TOB1: variants seen among roughly 807,000 people sequenced by gnomAD.
TOB1 encodes the protein transducer of ERBB2, 1, also known as protein Tob1.
A neutral mutation model predicts 22.9 loss-of-function variants in TOB1; 2 were observed. The observed-to-expected ratio is 0.09, with a 90% confidence interval of 0.04 to 0.28. TOB1 has a LOEUF of 0.28. Ranked by LOEUF, TOB1 falls within the 10% of genes least tolerant of loss-of-function variation. The probability of loss-of-function intolerance (pLI) is 1.00; values close to 1 mark genes in which losing one functional copy is unlikely to be tolerated. For missense variants in TOB1, 299 were observed against 420.5 expected, an observed-to-expected ratio of 0.71 and a Z score of 2.53; for synonymous variants, 154 against 150.6, an observed-to-expected ratio of 1.02 and a Z score of -0.17.
At chr17:50,866,384 A>G (rs1202658280), upstream of TOB1, 1 of 151,612 alleles carries the variant, frequency 6.6e-6, no homozygotes, top group Non-Finnish European at 1.5e-5. Flanking sequence ...CTCTCGTTTT[A>G]TGGCCTCCTC....
Position 50,863,835 on chromosome 17 carries a change from C to T in TOB1, c.183G>A (p.Gly61=), listed in dbSNP as rs1472216251. The T allele has an allele frequency of 1.2e-6, 2 of 1,613,914 alleles. No homozygotes were observed. Among genetic ancestry groups the T allele is most frequent in the East Asian group, 2.2e-5 (1 of 44,884 alleles). Residue 61 remains glycine, a synonymous_variant, in exon 2 of 2, where the codon GGG becomes GGA. Coordinates refer to ENST00000499247, the MANE Select transcript of TOB1 (RefSeq NM_005749.4). ...KGSGFRCIHI[G]EKVDPVIEQA... is the part of the protein sequence containing the mutation. ...GTTCAATCACTGGGTCCACTTTCTC[C>T]CCTATGTGTATACATCTAAACCCCG...
chr17:50,867,923 G>A (rs934956516), upstream of TOB1: 5 of 152,214 alleles, frequency 3.3e-5, no homozygotes, highest in African/African-American at 1.2e-4. Flanking sequence ...AATCTGGTTG[G>A]AGCCGCCTTC....
rs1972226269 is a variant in TOB1, at chr17:50,862,302, A to T, written c.*678T>A. 1 of 152,660 alleles carries T rather than the reference A, an allele frequency of 6.6e-6. No homozygotes were observed. 9.5% of individuals were successfully genotyped at this position (152,660 alleles called of 1,614,324 possible). Reference sequence around the variant, plus strand: ...CTTAACATGTAAGACACTGACTCAAAATACTTTTATACCGTTTTTTTCAAG... The same window carrying T: ...CTTAACATGTAAGACACTGACTCAATATACTTTTATACCGTTTTTTTCAAG... On this transcript the variant is annotated 3_prime_UTR_variant, in exon 2 of 2. Coordinates refer to ENST00000499247, the MANE Select transcript of TOB1 (RefSeq NM_005749.4).
In TOB1 at chr17:50,863,545, C is replaced by G. The variant is rs528956204; in HGVS notation, c.473G>C (p.Gly158Ala). Residue 158 changes from glycine to alanine, a missense_variant, in exon 2 of 2, where the codon GGT becomes GCT. Physicochemically the swap from Gly to Ala is moderately conservative, Grantham distance 60. Coordinates refer to ENST00000499247, the MANE Select transcript of TOB1 (RefSeq NM_005749.4). ...SVSSSPSPPF[G>A]HSAAVSPTFM... ...GGTAGGGCTTACAGCAGCAGAGTGA[C>G]CAAAAGGAGGCGATGGAGAGCTGGA... 1 of 1,613,940 alleles carries G rather than the reference C, an allele frequency of 6.2e-7. No homozygotes were observed. The highest frequency in any genetic ancestry group is 8.5e-7 in the Non-Finnish European group (1 of 1,180,032).
chr17:50,865,544 C>T (rs1972285123), intron 1 of TOB1, among the ~76,000 whole-genome samples: 1 of 152,110 alleles, frequency 6.6e-6, no homozygotes, highest in Admixed American at 6.5e-5. Flanking sequence ...AGGAGGAAGG[C>T]CCGGGAAATG....
chr17:50,863,914 A>C lies in TOB1; in HGVS notation c.104T>G (p.Leu35Arg). 6.2e-7 allele frequency: 1 copy of C among 1,614,170 alleles called. No homozygotes were observed. The highest frequency in any genetic ancestry group is 8.5e-7 in the Non-Finnish European group (1 of 1,180,040). The change falls in exon 2 of 2, where the codon CTT (leucine) becomes CGT (arginine). Residue 35 changes from leucine to arginine, a missense_variant. Leu to Arg is a moderately radical substitution (Grantham distance 102). Transcript: ENST00000499247. ...GTGCCCTTCATATTTCTTCTTAAGAAGTCTTTCAAGTTCTTCACCAAAAAT... is the reference window on the plus strand; with the variant it reads ...GTGCCCTTCATATTTCTTCTTAAGACGTCTTTCAAGTTCTTCACCAAAAAT... The part of the protein sequence containing the change: ...VNIFGEELER[L>R]LKKKYEGHWY...
chr17:50,864,320 G>A (rs1972264949), intron 1 of TOB1, among the ~76,000 whole-genome samples, 157 bp from the exon 2 acceptor site: 1 of 152,132 alleles, frequency 6.6e-6, no homozygotes, highest in Non-Finnish European at 1.5e-5. Context: ...AGGACAGAAA[G>A]CCTGAAAACT....
At chr17:50,864,297 G>C (rs773983055) in intron 1 of TOB1, 134 bp from the exon 2 acceptor site, 4 of 342,456 alleles carry the variant, frequency 1.2e-5, no homozygotes, top group Non-Finnish European at 1.9e-5. Flanking sequence ...AAAAGAAAAA[G>C]AAAATGTCTA....
Position 50,864,078 on chromosome 17 carries a change from A to AAAG in TOB1, c.-62_-61insCTT. 7.0e-7 allele frequency: 1 copy of AAAG among 1,438,658 alleles called. No homozygotes were observed. The highest frequency in any genetic ancestry group is 9.1e-7 in the Non-Finnish European group (1 of 1,103,032). The allele number at this position is 1,438,658 out of a possible 1,614,324, so 89.1% of individuals were successfully genotyped here. ...CACCAAAAAAAAAAAAAAAAAAAAA[A>AAAG]GATGTTCAGTTTGTGGCAGAGAAAC... is the stretch of plus-strand genomic sequence containing the variant. On this transcript the variant is annotated 5_prime_UTR_variant, in exon 2 of 2. Coordinates refer to ENST00000499247, the MANE Select transcript of TOB1 (RefSeq NM_005749.4).
intron 1 of TOB1, among the ~76,000 whole-genome samples, 190 bp downstream of exon 1, chr17:50,865,868 G>A (rs1453714044): frequency 6.6e-6 from 1 of 151,296 alleles, no homozygotes; most frequent in Non-Finnish European, 1.5e-5. Context: ...CGAGCCCGAC[G>A]CGCCGGCGGC....
At chr17:50,865,555 G>C (rs1169347481) in intron 1 of TOB1, among the ~76,000 whole-genome samples, 1 of 152,168 alleles carries the variant, frequency 6.6e-6, no homozygotes, top group Non-Finnish European at 1.5e-5. Context: ...CCGGGAAATG[G>C]AAGAGCAACC....
In TOB1 at chr17:50,863,411, G is replaced by A. The variant is rs780286553; in HGVS notation, c.607C>T (p.Arg203Cys). 14 of 1,614,066 alleles carry A rather than the reference G, an allele frequency of 8.7e-6. No homozygotes were observed. The highest frequency in any genetic ancestry group is 4.5e-5 in the East Asian group (2 of 44,896). ...KNSGRSNKVA[R>C]TSPINLGLNV... The stretch of plus-strand genomic sequence containing the variant: ...AAGCCGAGGTTGATGGGAGAAGTAC[G>A]TGCAACCTTGTTGCTACGGCCACTA... The change falls in exon 2 of 2, where the codon CGT becomes TGT. Residue 203 changes from arginine (R) to cysteine (C), a missense_variant. Arg to Cys is a radical substitution (Grantham distance 180). Coordinates refer to ENST00000499247, the MANE Select transcript of TOB1 (RefSeq NM_005749.4).
chr17:50,863,497 G>C lies in TOB1; in HGVS notation c.521C>G (p.Pro174Arg). ...AAAAGTGGCAGTGGTAAAGGTTAAA[G>C]GCTGAGTGGACCGGGGCATGAAGGT... The part of the protein sequence containing the change: ...SPTFMPRSTQ[P>R]LTFTTATFAA... The change falls in exon 2 of 2, where the codon CCT (proline) becomes CGT (arginine). Residue 174 changes from proline to arginine, a missense_variant. Physicochemically the swap from Pro to Arg is moderately radical, Grantham distance 103 (BLOSUM62 -2). Coordinates refer to ENST00000499247, the MANE Select transcript of TOB1 (RefSeq NM_005749.4). 1 of 1,614,198 alleles carries C rather than the reference G, an allele frequency of 6.2e-7. No individual in the cohort carries two copies. The highest frequency in any genetic ancestry group is 1.3e-5 in the African/African-American group (1 of 75,052).
rs1047712904 is a variant in TOB1, at chr17:50,866,068, G to C, written c.-157C>G. 1 of 152,068 alleles carries C rather than the reference G, an allele frequency of 6.6e-6. No homozygotes were observed. Among genetic ancestry groups the C allele is most frequent in the Non-Finnish European group, 1.5e-5 (1 of 68,010 alleles). The allele number at this position is 152,068 out of a possible 1,614,324, so 9.4% of individuals were successfully genotyped here. A position where few individuals can be genotyped will look rare whatever the true frequency, so the allele number is the denominator to read the frequency against. ...CCCCGAGATACTTACGGGCTGCTTCGGGGCGGCTTGGACCACAGACCCGCG... is the reference window on the plus strand; with the variant it reads ...CCCCGAGATACTTACGGGCTGCTTCCGGGCGGCTTGGACCACAGACCCGCG... On this transcript the variant is annotated 5_prime_UTR_variant, in exon 1 of 2. Transcript: ENST00000499247.
At chr17:50,867,605 G>C (rs185064946), upstream of TOB1, 13 of 152,390 alleles carry the variant, frequency 8.5e-5, no homozygotes, top group East Asian at 1.2e-3. Flanking sequence ...GGGAAAGTCT[G>C]GGGGGAGCGA....
At chr17:50,865,706 C>T (rs1972289993) in intron 1 of TOB1, among the ~76,000 whole-genome samples, 1 of 152,088 alleles carries the variant, frequency 6.6e-6, no homozygotes, top group South Asian at 2.1e-4. Context: ...CCTGGGGGAG[C>T]ACCGGTTCCT....
Position 50,863,889 on chromosome 17 carries a change from G to C in TOB1, c.129C>G (p.His43Gln). ...CTTTGTATGGCTTTTCAGGATACCA[G>C]TGCCCTTCATATTTCTTCTTAAGAA... ...ERLLKKKYEG[H>Q]WYPEKPYKGS... Residue 43 changes from histidine (H) to glutamine (Q), a missense_variant, in exon 2 of 2, where the codon CAC (histidine) becomes CAG (glutamine). Transcript: ENST00000499247. The C allele has an allele frequency of 6.2e-7, 1 of 1,613,956 alleles. No homozygotes were observed. The highest frequency in any genetic ancestry group is 8.5e-7 in the Non-Finnish European group (1 of 1,180,006).
chr17:50,862,634 G>T lies in TOB1; in HGVS notation c.*346C>A, dbSNP rs1031354712. ...TAGAAACAATATATATATATCCTCT[G>T]ATATTTTACAAACTTTGTACTAAAT... On this transcript the variant is annotated 3_prime_UTR_variant, in exon 2 of 2. Transcript: ENST00000499247. The T allele has an allele frequency of 1.1e-4, 21 of 182,622 alleles. No homozygotes were observed. The highest frequency in any genetic ancestry group is 2.2e-3 in the Middle Eastern group (1 of 454). 11.3% of individuals were successfully genotyped at this position (182,622 alleles called of 1,614,324 possible).
upstream of TOB1, chr17:50,867,597 G>A (rs1485963320): frequency 1.3e-5 from 2 of 152,250 alleles, no homozygotes; most frequent in Non-Finnish European, 2.9e-5. Flanking sequence ...GGGAAAAGGG[G>A]AAAGTCTGGG....
Sources: allele counts gnomAD v4.1 joint callset (sites outside exome capture counted in the v4.1 genomes callset), GRCh38; gene constraint gnomAD v4.1.1; transcripts MANE v1.5; gene names NCBI Gene and HGNC (gene_info 2026-07-23, HGNC 2026-07-21).